Variants in SGCZ observed in about 807,000 individuals in gnomAD.
SGCZ encodes the protein zeta-sarcoglycan.
A neutral mutation model predicts 41.3 loss-of-function variants in SGCZ; 40 were observed. That is an observed-to-expected ratio of 0.97 (90% CI 0.75 to 1.26). The LOEUF is 1.26. SGCZ is among the 50% of genes most tolerant of loss of function. The pLI is 0.00. For missense variants in SGCZ, 552 were observed against 369.8 expected, an observed-to-expected ratio of 1.49 and a Z score of -4.04; for synonymous variants, 206 against 137.5, an observed-to-expected ratio of 1.50 and a Z score of -3.49.
chr8:15,154,962 G>A (rs1020664478), intron 1 of SGCZ, among the ~76,000 whole-genome samples: 1 of 152,096 alleles, frequency 6.6e-6, no homozygotes, highest in African/African-American at 2.4e-5. Flanking sequence ...TTCAAATAGT[G>A]AGAAGAGCCG....
chr8:14,428,040 A>G (rs998425210), intron 2 of SGCZ, among the ~76,000 whole-genome samples: 1 of 151,754 alleles, frequency 6.6e-6, no homozygotes, highest in African/African-American at 2.4e-5. Context: ...GCATCTGCAG[A>G]TTTTGCTATC....
chr8:14,670,769 C>A (rs1808076654), intron 1 of SGCZ, among the ~76,000 whole-genome samples: 1 of 152,134 alleles, frequency 6.6e-6, no homozygotes, highest in Admixed American at 6.6e-5. Flanking sequence ...ATCCTTGTTC[C>A]TCATTTTAAA....
chr8:14,446,429 C>T (rs1800434198), intron 2 of SGCZ, among the ~76,000 whole-genome samples: 1 of 152,160 alleles, frequency 6.6e-6, no homozygotes, highest in African/African-American at 2.4e-5. Context: ...CCCTGGTTGG[C>T]AACTTTGTTC....
intron 2 of SGCZ, among the ~76,000 whole-genome samples, chr8:14,540,344 T>A (rs558401053): frequency 1.3e-5 from 2 of 150,854 alleles, no homozygotes; most frequent in South Asian, 2.1e-4. Flanking sequence ...AGTATTAATA[T>A]CTACTATGAG....
At chr8:14,926,382 A>G (rs1242571956) in intron 1 of SGCZ, among the ~76,000 whole-genome samples, 1 of 152,204 alleles carries the variant, frequency 6.6e-6, no homozygotes, top group East Asian at 1.9e-4. Flanking sequence ...TTATAGAACC[A>G]TCAATGTTAA....
chr8:15,031,847 C>T (rs1249524839), intron 1 of SGCZ, among the ~76,000 whole-genome samples: 2 of 151,168 alleles, frequency 1.3e-5, no homozygotes, highest in East Asian at 1.9e-4. Context: ...AGTCGGCCAG[C>T]GCTATTTTCA....
chr8:14,374,864 A>T (rs2117172272), intron 2 of SGCZ, among the ~76,000 whole-genome samples: 1 of 152,336 alleles, frequency 6.6e-6, no homozygotes, highest in South Asian at 2.1e-4. Flanking sequence ...TAAAGGGTAC[A>T]TCCTGATGAA....
intron 1 of SGCZ, among the ~76,000 whole-genome samples, chr8:14,981,550 T>C (rs537361437): frequency 6.6e-6 from 1 of 152,264 alleles, no homozygotes; most frequent in Non-Finnish European, 1.5e-5. Context: ...TTTAAACAAT[T>C]TATTAAAAAC....
chr8:14,771,521 G>T (rs748855269), intron 1 of SGCZ, among the ~76,000 whole-genome samples: 22 of 151,964 alleles, frequency 1.4e-4, no homozygotes, highest in Non-Finnish European at 2.9e-4. Flanking sequence ...CATTGACTAT[G>T]TCAACTTAAT....
At chr8:14,514,827 A>G (rs183000528) in intron 2 of SGCZ, among the ~76,000 whole-genome samples, 2,966 of 136,682 alleles carry the variant, frequency 0.022, 102 homozygotes, top group African/African-American at 0.072. Flanking sequence ...ATATACACGC[A>G]CACACACACA....
At chr8:14,924,735 G>C (rs1022341950) in intron 1 of SGCZ, among the ~76,000 whole-genome samples, 2 of 151,998 alleles carry the variant, frequency 1.3e-5, no homozygotes, top group Non-Finnish European at 2.9e-5. Flanking sequence ...ATAGTAAACT[G>C]AGTTTGAGGC....
At chr8:14,726,328 A>C (rs1458971377) in intron 1 of SGCZ, among the ~76,000 whole-genome samples, 1 of 144,166 alleles carries the variant, frequency 6.9e-6, no homozygotes, top group Non-Finnish European at 1.5e-5. Flanking sequence ...ATATATCTAT[A>C]TATATATATA....
At chr8:14,195,489 A>T (rs2117056755) in intron 4 of SGCZ, among the ~76,000 whole-genome samples, 1 of 152,276 alleles carries the variant, frequency 6.6e-6, no homozygotes, top group South Asian at 2.1e-4. Context: ...GACAGAAAAA[A>T]ATAATTGGAG....
At chr8:14,321,552 A>C (rs1321867952) in intron 3 of SGCZ, among the ~76,000 whole-genome samples, 1 of 152,086 alleles carries the variant, frequency 6.6e-6, no homozygotes, top group African/African-American at 2.4e-5. Context: ...AAGTAATTTT[A>C]AATAAGAAAA....
At chr8:14,637,361 G>T (rs1467554171) in intron 1 of SGCZ, among the ~76,000 whole-genome samples, 4 of 151,184 alleles carry the variant, frequency 2.6e-5, no homozygotes, top group African/African-American at 7.3e-5. Context: ...ACACGTGCAG[G>T]TTTGTTACAC....
chr8:14,619,254 A>C (rs1407052563), intron 1 of SGCZ, among the ~76,000 whole-genome samples: 1 of 152,174 alleles, frequency 6.6e-6, no homozygotes, highest in Admixed American at 6.6e-5. Context: ...TCATGCTAAA[A>C]ACTCTCAATA....
At chr8:14,483,531 C>A (rs1383410534) in intron 2 of SGCZ, among the ~76,000 whole-genome samples, 1 of 152,172 alleles carries the variant, frequency 6.6e-6, no homozygotes. Flanking sequence ...TGATTGCACT[C>A]CTGCATTCCA....
At chr8:15,081,476 T>A (rs17116291) in intron 1 of SGCZ, among the ~76,000 whole-genome samples, 1 of 150,908 alleles carries the variant, frequency 6.6e-6, no homozygotes, top group East Asian at 2.0e-4. Context: ...ATTTTTGGAA[T>A]TGGCCAGATC....
intron 2 of SGCZ, among the ~76,000 whole-genome samples, chr8:14,376,939 C>T (rs1218045437): frequency 6.6e-6 from 1 of 152,136 alleles, no homozygotes; most frequent in Non-Finnish European, 1.5e-5. Context: ...AGTCTTTGTT[C>T]CTAGTTTCTA....
Sources: gnomAD v4.1 joint callset for allele counts (sites outside exome capture counted in the v4.1 genomes callset) on GRCh38, gnomAD v4.1.1 for gene constraint, MANE v1.5 for transcripts, NCBI Gene and HGNC (gene_info 2026-07-23, HGNC 2026-07-21) for gene names.